Variants in FAM163A observed in about 807,000 individuals in gnomAD.
FAM163A encodes the protein protein FAM163A.
In FAM163A, 7 loss-of-function variants were observed where a neutral mutation model predicts 12.0. That is an observed-to-expected ratio of 0.58 (90% CI 0.33 to 1.10). The LOEUF (loss-of-function observed/expected upper bound fraction) is 1.10, where lower values mean the gene tolerates loss of function less well. Ranked by LOEUF, FAM163A falls within the 50% of genes least tolerant of loss-of-function variation. The pLI, the probability that FAM163A is intolerant of heterozygous loss-of-function variation, is 0.03. For synonymous variants in FAM163A, 101 were observed against 91.0 expected (o/e 1.11, Z -0.62); for missense variants, 202 against 218.6 (o/e 0.92, Z 0.48).
At chr1:179,786,459 T>C (rs1690648082) in intron 1 of FAM163A, among the ~76,000 whole-genome samples, 1 of 152,224 alleles carries the variant, frequency 6.6e-6, no homozygotes, top group South Asian at 2.1e-4. Flanking sequence ...GAACACAGGT[T>C]ATGGACCTAG....
At chr1:179,800,905 G>A (rs955156347) in intron 1 of FAM163A, among the ~76,000 whole-genome samples, 2 of 152,152 alleles carry the variant, frequency 1.3e-5, no homozygotes, top group Admixed American at 1.3e-4. Flanking sequence ...ACATGCATTA[G>A]CTCAGGCATA....
At chr1:179,781,933 CAAAAAAAAAAAAA>C (rs58962319) in intron 1 of FAM163A, among the ~76,000 whole-genome samples, 1 of 119,400 alleles carries the variant, frequency 8.4e-6, no homozygotes, top group Admixed American at 1.0e-4. Flanking sequence ...GAATCCGTAT[CAAAAAAAAAAAAA>C]AAAAAAAAAA....
intron 1 of FAM163A, among the ~76,000 whole-genome samples, chr1:179,785,482 A>G (rs112119148): frequency 3.4e-4 from 52 of 152,268 alleles, no homozygotes; most frequent in African/African-American, 1.3e-3. Flanking sequence ...GTAGCTGGGA[A>G]TTCTGAGCCT....
intron 1 of FAM163A, among the ~76,000 whole-genome samples, chr1:179,804,841 A>G (rs1693696775): frequency 6.6e-6 from 1 of 152,214 alleles, no homozygotes; most frequent in African/African-American, 2.4e-5. Context: ...ACAGAAAAAA[A>G]TAACTATTGG....
In FAM163A at chr1:179,814,270, GC is replaced by G. The variant is rs1695105815; in HGVS notation, c.*85del. 9 of 1,474,880 alleles carry G rather than the reference GC, an allele frequency of 6.1e-6. No homozygotes were observed. The South Asian group carries it at 1.2e-4, about 20-fold the overall frequency. 91.4% of individuals were successfully genotyped at this position (1,474,880 alleles called of 1,614,324 possible). ...GGGGGTGATGAATGACCCTCCAACAGCCCCACATGGGTTGTTTCTGTTTCTT... is the reference window on the plus strand; with the variant it reads ...GGGGGTGATGAATGACCCTCCAACAGCCCACATGGGTTGTTTCTGTTTCTT... On this transcript the variant is annotated 3_prime_UTR_variant, in exon 5 of 5. Coordinates refer to ENST00000341785, the MANE Select transcript of FAM163A (RefSeq NM_173509.3).
intron 1 of FAM163A, among the ~76,000 whole-genome samples, chr1:179,743,888 C>G (rs1684031551): frequency 6.6e-6 from 1 of 152,140 alleles, no homozygotes; most frequent in African/African-American, 2.4e-5. Context: ...TGCTGCGCCT[C>G]GCGCCCGCCG....
the FAM163A span, among the ~76,000 whole-genome samples, chr1:179,736,422 A>G: frequency 6.6e-6 from 1 of 152,242 alleles, no homozygotes. Context: ...TGGTATATAA[A>G]AAAGTGTTCA....
At chr1:179,788,350 C>T (rs148531711) in intron 1 of FAM163A, among the ~76,000 whole-genome samples, 12 of 152,344 alleles carry the variant, frequency 7.9e-5, no homozygotes, top group Non-Finnish European at 1.3e-4. Flanking sequence ...TCCCAGACTG[C>T]ATTTGTTAAC....
At chr1:179,791,986 C>G (rs532435438) in intron 1 of FAM163A, among the ~76,000 whole-genome samples, 1 of 152,118 alleles carries the variant, frequency 6.6e-6, no homozygotes, top group African/African-American at 2.4e-5. Flanking sequence ...AAGTTGAAGG[C>G]TCACTCTGCC....
At chr1:179,730,656 C>A in the FAM163A span, among the ~76,000 whole-genome samples, 1 of 152,170 alleles carries the variant, frequency 6.6e-6, no homozygotes, top group Non-Finnish European at 1.5e-5. Context: ...GGATCTAAAA[C>A]CAGAATCTAT....
chr1:179,765,590 G>T (rs1204972818), intron 1 of FAM163A, among the ~76,000 whole-genome samples: 1 of 152,060 alleles, frequency 6.6e-6, no homozygotes, highest in Non-Finnish European at 1.5e-5. Context: ...ATCGGGGCAT[G>T]AAAGGTCTGT....
At chr1:179,794,702 T>G (rs747469826) in intron 1 of FAM163A, among the ~76,000 whole-genome samples, 26 of 152,178 alleles carry the variant, frequency 1.7e-4, no homozygotes, top group Non-Finnish European at 3.1e-4. Context: ...CTTTGCTAGG[T>G]GCTCTGGGAG....
At chr1:179,793,094 G>A (rs1423119036) in intron 1 of FAM163A, among the ~76,000 whole-genome samples, 1 of 151,942 alleles carries the variant, frequency 6.6e-6, no homozygotes, top group Non-Finnish European at 1.5e-5. Context: ...CAAGTGACAG[G>A]TCTTTAGATA....
In FAM163A at chr1:179,814,380, A is replaced by C; in HGVS notation, c.*191A>C. The C allele has an allele frequency of 1.4e-6, 1 of 732,702 alleles. No individual in the cohort carries two copies. Among genetic ancestry groups the C allele is most frequent in the Non-Finnish European group, 2.1e-6 (1 of 474,426 alleles). 45.4% of individuals were successfully genotyped at this position (732,702 alleles called of 1,614,324 possible). A position where few individuals can be genotyped will look rare whatever the true frequency, so the allele number is the denominator to read the frequency against. On this transcript the variant is annotated 3_prime_UTR_variant, in exon 5 of 5. Transcript: ENST00000341785. ...AGAACCAAGACAGGGCCTGGCTCCA[A>C]CTCTGTGGGCCAGAGGTGGGGGACT...
chr1:179,762,408 TCA>T (rs1686945313), intron 1 of FAM163A, among the ~76,000 whole-genome samples: 1 of 152,164 alleles, frequency 6.6e-6, no homozygotes, highest in Non-Finnish European at 1.5e-5. Flanking sequence ...GGAGAGGTGT[TCA>T]CCTGGTTGCG....
At chr1:179,785,830 A>G (rs1307616898) in intron 1 of FAM163A, among the ~76,000 whole-genome samples, 4 of 152,184 alleles carry the variant, frequency 2.6e-5, no homozygotes, top group Non-Finnish European at 5.9e-5. Context: ...TTATTTTTCC[A>G]TGGTATTCTA....
Position 179,815,109 on chromosome 1 carries a change from GCACAGACACACACACACA to G in FAM163A, c.*925_*942del, listed in dbSNP as rs1222048953. 1.5e-5 allele frequency: 1 copy of G among 67,236 alleles called. No individual in the cohort carries two copies. The highest frequency in any genetic ancestry group is 6.3e-5 in the African/African-American group (1 of 15,782). 4.2% of individuals were successfully genotyped at this position (67,236 alleles called of 1,614,324 possible). On this transcript the variant is annotated 3_prime_UTR_variant, in exon 5 of 5. Transcript: ENST00000341785. ...CAGGTGTACGCACGCGCGCGCGCGC[GCACAGACACACACACACA>G]CACACACACACACACACACACACAG...
chr1:179,813,952 G>A lies in FAM163A; in HGVS notation c.267G>A (p.Gly89=), dbSNP rs781390694. 1 of 1,613,368 alleles carries A rather than the reference G, an allele frequency of 6.2e-7. No homozygotes were observed. The part of the protein sequence containing the change: ...LTSEPCSQPC[G]VAASHCTTCS... ...GCGAGCCCTGCAGCCAGCCCTGTGGGGTGGCCGCGAGCCACTGCACTACCT... is the reference window on the plus strand; with the variant it reads ...GCGAGCCCTGCAGCCAGCCCTGTGGAGTGGCCGCGAGCCACTGCACTACCT... The change falls in exon 5 of 5, where the codon GGG becomes GGA. Residue 89 remains glycine, a synonymous_variant. Coordinates refer to ENST00000341785, the MANE Select transcript of FAM163A (RefSeq NM_173509.3).
upstream of FAM163A, among the ~76,000 whole-genome samples, chr1:179,740,096 A>G (rs1412306823): frequency 2.0e-5 from 3 of 152,228 alleles, no homozygotes; most frequent in Non-Finnish European, 4.4e-5. Context: ...TCTCCTGGGC[A>G]TTTATCCCAG....
Sources: gnomAD v4.1 joint callset for allele counts (sites outside exome capture counted in the v4.1 genomes callset) on GRCh38, gnomAD v4.1.1 for gene constraint, MANE v1.5 for transcripts, NCBI Gene and HGNC (gene_info 2026-07-23, HGNC 2026-07-21) for gene names.